The following SGCG variants were observed in gnomAD, a reference collection of about 807,000 sequenced individuals.
The protein encoded by SGCG is gamma-sarcoglycan.
A neutral mutation model predicts 29.3 loss-of-function variants in SGCG; 26 were observed. The observed-to-expected ratio is 0.89, with a 90% CI of 0.65 to 1.23. The LOEUF (loss-of-function observed/expected upper bound fraction) is 1.23. SGCG is among the 50% of genes most tolerant of loss of function. The pLI, the probability that SGCG is intolerant of heterozygous loss-of-function variation, is 0.00. For missense variants in SGCG, 353 were observed against 356.0 expected, an observed-to-expected ratio of 0.99 and a Z score of 0.07; for synonymous variants, 145 against 129.7, an observed-to-expected ratio of 1.12 and a Z score of -0.80.
rs770020910 is a variant in SGCG, at chr13:23,320,701, G to A, written c.643G>A (p.Ala215Thr). ...AAGGGGTGTGCATATTCAAGCTCAC[G>A]CTGGGAAAATTGAGGCGCTTTCTCA... The part of the protein sequence containing the change: ...APRGVHIQAH[A>T]GKIEALSQMD... Residue 215 changes from alanine (A) to threonine (T), a missense_variant, in exon 7 of 8, where the codon GCT (alanine) becomes ACT (threonine). By Grantham distance (58) the Ala-to-Thr change is moderately conservative. Coordinates refer to ENST00000218867, the MANE Select transcript of SGCG (RefSeq NM_000231.3). 9.9e-6 allele frequency: 16 copies of A among 1,609,362 alleles called. No homozygotes were observed. In the Admixed American group the frequency reaches 1.3e-4, roughly 13 times the overall value.
intron 5 of SGCG, among the ~76,000 whole-genome samples, chr13:23,288,131 T>C (rs1413563656): frequency 2.0e-5 from 3 of 152,188 alleles, no homozygotes; most frequent in Non-Finnish European, 4.4e-5. Context: ...GTGATAACAG[T>C]TGGGTCCCTA....
intron 6 of SGCG, among the ~76,000 whole-genome samples, chr13:23,308,571 A>ATT (rs199573084): frequency 6.8e-6 from 1 of 147,512 alleles, no homozygotes; most frequent in African/African-American, 2.5e-5. Flanking sequence ...TTTTCATGTA[A>ATT]TTTTTTTTTT....
At chr13:23,199,070 T>C (rs2137493632) in intron 1 of SGCG, among the ~76,000 whole-genome samples, 1 of 150,360 alleles carries the variant, frequency 6.7e-6, no homozygotes, top group Admixed American at 6.6e-5. Flanking sequence ...ATCGTGCCAC[T>C]GCACTTCAGC....
intron 1 of SGCG, among the ~76,000 whole-genome samples, chr13:23,183,334 G>A (rs1043324036): frequency 4.9e-4 from 74 of 152,162 alleles, no homozygotes; most frequent in African/African-American, 1.6e-3. Flanking sequence ...GGAAAATGAC[G>A]GTAACTGGTC....
chr13:23,322,690 A>G (rs941938143), intron 7 of SGCG, among the ~76,000 whole-genome samples: 3 of 150,174 alleles, frequency 2.0e-5, no homozygotes, highest in Non-Finnish European at 3.0e-5. Context: ...AAGAAGGCAC[A>G]TGGGTTTCCA....
At chr13:23,292,166 A>G (rs757536777) in intron 5 of SGCG, among the ~76,000 whole-genome samples, 1 of 148,256 alleles carries the variant, frequency 6.7e-6, no homozygotes, top group Admixed American at 6.8e-5. Flanking sequence ...CTAGAGTGCA[A>G]TGGTACGATC....
chr13:23,166,203 T>A, the SGCG span, among the ~76,000 whole-genome samples: 1 of 152,056 alleles, frequency 6.6e-6, no homozygotes, highest in South Asian at 2.1e-4. Flanking sequence ...TCAATTCTCC[T>A]CTATTTCTAG....
chr13:23,209,293 T>G (rs1878106222), intron 2 of SGCG, among the ~76,000 whole-genome samples: 1 of 152,160 alleles, frequency 6.6e-6, no homozygotes, highest in Admixed American at 6.5e-5. Flanking sequence ...GATTTAAAAT[T>G]AATTCATTTT....
the SGCG span, among the ~76,000 whole-genome samples, chr13:23,161,296 T>C: frequency 6.6e-6 from 1 of 152,232 alleles, no homozygotes; most frequent in African/African-American, 2.4e-5. Context: ...GCAAGTTGCT[T>C]GTTCTTACAT....
At chr13:23,292,159 G>A (rs1215343036) in intron 5 of SGCG, among the ~76,000 whole-genome samples, 1 of 146,038 alleles carries the variant, frequency 6.8e-6, no homozygotes, top group Non-Finnish European at 1.5e-5. Flanking sequence ...GTCCAGGCTA[G>A]AGTGCAATGG....
At chr13:23,166,872 G>C in the SGCG span, among the ~76,000 whole-genome samples, 1 of 152,158 alleles carries the variant, frequency 6.6e-6, no homozygotes, top group African/African-American at 2.4e-5. Flanking sequence ...CATAGAGAAT[G>C]GGGTATCCAT....
rs559123076 is a variant in SGCG, at chr13:23,277,588, G to A, written c.386-1771G>A. On this transcript the variant is annotated intron_variant, in intron 4 of 7. Transcript: ENST00000218867. ...AAACGGATCAATGCATTAATAGAAA[G>A]GCTTTACTTAATGTCTACCAGGTAT... Among the ~76,000 whole-genome samples the A allele has an allele frequency of 3.9e-5, 6 of 152,012 alleles. 1 individual carries two copies. In the South Asian group the frequency reaches 1.2e-3, roughly 32 times the overall value.
chr13:23,303,294 C>A (rs1050816625), intron 6 of SGCG, among the ~76,000 whole-genome samples: 1 of 152,188 alleles, frequency 6.6e-6, no homozygotes, highest in African/African-American at 2.4e-5. Context: ...CTCTTCTGCC[C>A]CTGATGAAGT....
chr13:23,256,738 A>G (rs1880195523), intron 4 of SGCG, among the ~76,000 whole-genome samples: 1 of 152,178 alleles, frequency 6.6e-6, no homozygotes, highest in Admixed American at 6.5e-5. Context: ...ATAGTATTCC[A>G]TGGTGTATAT....
intron 4 of SGCG, among the ~76,000 whole-genome samples, chr13:23,274,621 A>G (rs1408758180): frequency 1.3e-5 from 2 of 151,494 alleles, no homozygotes; most frequent in Non-Finnish European, 2.9e-5. Context: ...ACGGGGTTTC[A>G]CCGTGTTAGC....
intron 2 of SGCG, among the ~76,000 whole-genome samples, chr13:23,208,589 T>A (rs1878072015): frequency 6.6e-6 from 1 of 152,138 alleles, no homozygotes; most frequent in Non-Finnish European, 1.5e-5. Flanking sequence ...GAGCCCAAAT[T>A]ACTAGTATCT....
intron 4 of SGCG, among the ~76,000 whole-genome samples, chr13:23,262,710 C>T (rs1195190506): frequency 6.6e-6 from 1 of 151,924 alleles, no homozygotes; most frequent in Non-Finnish European, 1.5e-5. Flanking sequence ...ATCCATTCTT[C>T]CCATCAGCAC....
chr13:23,303,314 T>G (rs9580596), intron 6 of SGCG, among the ~76,000 whole-genome samples: 11,586 of 152,294 alleles, frequency 0.076, 1,531 homozygotes, highest in African/African-American at 0.26. Context: ...TAACTGGGAC[T>G]GGATGCACCA....
intron 6 of SGCG, among the ~76,000 whole-genome samples, chr13:23,300,834 G>A (rs1328789046): frequency 2.7e-5 from 4 of 148,264 alleles, no homozygotes; most frequent in African/African-American, 9.9e-5. Context: ...AAAAAAAAAG[G>A]GCCGGGCGCG....
Sources: allele counts gnomAD v4.1 joint callset (sites outside exome capture counted in the v4.1 genomes callset), GRCh38; gene constraint gnomAD v4.1.1; transcripts MANE v1.5; gene names NCBI Gene and HGNC (gene_info 2026-07-23, HGNC 2026-07-21).